The following TNIP1 variants were observed in gnomAD, a reference collection of about 807,000 sequenced individuals.
TNIP1 encodes the protein TNFAIP3-interacting protein 1.
In TNIP1, 22 loss-of-function variants were observed where a neutral mutation model predicts 86.6. The observed-to-expected ratio is 0.25, with a 90% CI of 0.18 to 0.36. The LOEUF is 0.36. Ranked by LOEUF, TNIP1 falls within the 10% of genes least tolerant of loss-of-function variation. TNIP1 has a pLI of 1.00. For missense variants in TNIP1, 709 were observed against 820.6 expected, an observed-to-expected ratio of 0.86 and a Z score of 1.66; for synonymous variants, 294 against 313.0, an observed-to-expected ratio of 0.94 and a Z score of 0.64.
upstream of TNIP1, among the ~76,000 whole-genome samples, chr5:151,086,032 G>C (rs35191122): frequency 0.027 from 4,185 of 152,222 alleles, 72 homozygotes; most frequent in South Asian, 0.069. Flanking sequence ...TTCTAGCCAG[G>C]GACTTCCCTA....
At position 151,039,144 on chromosome 5, in the gene TNIP1, T is replaced by G; in HGVS notation, c.1216A>C (p.Thr406Pro). ...TTTTCCTGGTACTCACGCTGTCGGG[T>G]GAGTGGGCTCAGCTGATCCTGCAGG... The part of the protein sequence containing the change: ...KYLQDQLSPL[T>P]RQREYQEKEI... The change falls in exon 12 of 18, where the codon ACC (threonine) becomes CCC (proline). Residue 406 changes from threonine to proline, a missense_variant. Transcript: ENST00000521591. 1 of 1,614,034 alleles carries G rather than the reference T, an allele frequency of 6.2e-7. No homozygotes were observed. Among genetic ancestry groups the G allele is most frequent in the Non-Finnish European group, 8.5e-7 (1 of 1,179,974 alleles).
chr5:151,035,196 A>G, intron 14 of TNIP1, 129 bp from the exon 15 acceptor site: 2 of 1,096,304 alleles, frequency 1.8e-6, no homozygotes, highest in Non-Finnish European at 2.7e-6. Flanking sequence ...TGCGTGGGCC[A>G]GCCCCGGGAA....
chr5:151,084,241 T>TC (rs1707836282), upstream of TNIP1, among the ~76,000 whole-genome samples: 1 of 152,056 alleles, frequency 6.6e-6, no homozygotes, highest in African/African-American at 2.4e-5. Context: ...GGTCAGGAGT[T>TC]CAAGACCAGC....
At chr5:151,081,040 G>C (rs1011537912), upstream of TNIP1, 1 of 152,056 alleles carries the variant, frequency 6.6e-6, no homozygotes, top group Admixed American at 6.5e-5. Context: ...GAAGTGCCGG[G>C]GGCCTGGCCG....
At chr5:151,064,848 G>T in intron 2 of TNIP1, 112 bp downstream of exon 2, 1 of 1,488,422 alleles carries the variant, frequency 6.7e-7, no homozygotes, top group Non-Finnish European at 9.2e-7. Context: ...AGGGACAGGG[G>T]ATGACTTGGG....
chr5:151,071,609 A>G (rs914059536), intron 1 of TNIP1, among the ~76,000 whole-genome samples: 3 of 152,056 alleles, frequency 2.0e-5, no homozygotes, highest in African/African-American at 4.8e-5. Flanking sequence ...CAGTCCTCCC[A>G]TAAGAGCTTT....
chr5:151,063,394 T>G lies in TNIP1; in HGVS notation c.271+219A>C, dbSNP rs565222621. Among the ~76,000 whole-genome samples the G allele has an allele frequency of 5.9e-5, 9 of 152,182 alleles. No individual in the cohort carries two copies. In the South Asian group the frequency reaches 1.9e-3, roughly 32 times the overall value. ...CTCATGTCTGCTGGGGCCTCAGGAG[T>G]GCTGAGTCACTGGCTATTTTTAACA... On this transcript the variant is annotated intron_variant, in intron 3 of 17. Transcript: ENST00000521591.
intron 11 of TNIP1, among the ~76,000 whole-genome samples, chr5:151,040,088 A>C: frequency 6.6e-6 from 1 of 152,340 alleles, no homozygotes; most frequent in South Asian, 2.1e-4. Flanking sequence ...CTCTCCTTCC[A>C]TGTCAAAGGA....
At chr5:151,066,664 C>T (rs1762268506) in intron 1 of TNIP1, among the ~76,000 whole-genome samples, 1 of 152,240 alleles carries the variant, frequency 6.6e-6, no homozygotes, top group South Asian at 2.1e-4. Context: ...GGAGGAGCTG[C>T]ACAGTAACTC....
rs374059963 is a variant in TNIP1 at position 151,033,817 on chromosome 5, G to A, written c.1588-18C>T. 1.2e-5 allele frequency: 16 copies of A among 1,372,226 alleles called. No homozygotes were observed. The highest frequency in any genetic ancestry group is 9.0e-5 in the African/African-American group (6 of 66,948). The allele number at this position is 1,372,226 out of a possible 1,614,324, so 85.0% of individuals were successfully genotyped here. A position where few individuals can be genotyped will look rare whatever the true frequency, so the allele number is the denominator to read the frequency against. ...CCTGAGGCCTGCAAGAAAGGCTGAC[G>A]TCTGGCTTTGGCCTGCAACAGGCTG... is the stretch of plus-strand genomic sequence containing the variant. On this transcript the variant is annotated intron_variant, in intron 15 of 17. Transcript: ENST00000521591.
intron 6 of TNIP1, 134 bp downstream of exon 6, chr5:151,056,632 A>C (rs547093079): frequency 1.7e-4 from 140 of 821,044 alleles, no homozygotes; most frequent in Middle Eastern, 1.5e-3. Context: ...CTGAACAAAA[A>C]GCCCGAAGTC....
intron 17 of TNIP1, among the ~76,000 whole-genome samples, 189 bp from the exon 18 acceptor site, chr5:151,030,936 T>C (rs773020674): frequency 2.6e-5 from 4 of 152,162 alleles, no homozygotes; most frequent in Non-Finnish European, 4.4e-5. Flanking sequence ...AGAAGGCAGG[T>C]TATTATCCCA....
chr5:151,043,609 T>C (rs1482850627), intron 9 of TNIP1, among the ~76,000 whole-genome samples: 2 of 151,940 alleles, frequency 1.3e-5, no homozygotes, highest in Non-Finnish European at 2.9e-5. Context: ...ACCCCATCTC[T>C]ACAAAAAATA....
intron 12 of TNIP1, among the ~76,000 whole-genome samples, chr5:151,038,826 G>A (rs1367645425): frequency 6.6e-6 from 1 of 152,146 alleles, no homozygotes; most frequent in African/African-American, 2.4e-5. Flanking sequence ...CTGAGCAAGT[G>A]AGGGTAAAAC....
At position 151,069,871 on chromosome 5, in the gene TNIP1, T is replaced by C. The variant is rs530297136; in HGVS notation, c.-36-4740A>G. Among the ~76,000 whole-genome samples, 5 of 152,276 alleles carry C rather than the reference T, an allele frequency of 3.3e-5. No individual in the cohort carries two copies. In the South Asian group the frequency reaches 1.0e-3, roughly 32 times the overall value. On this transcript the variant is annotated intron_variant, in intron 1 of 17. Transcript: ENST00000521591. ...AACCGGGTGATGGCTAAAGCTGGCC[T>C]CAGGATCAAGAAGACCCAAGTCTCA...
chr5:151,036,942 G>T, intron 12 of TNIP1, 21 bp from the exon 13 acceptor site: 1 of 1,577,362 alleles, frequency 6.3e-7, no homozygotes, highest in South Asian at 1.2e-5. Context: ...GAAAAGATGG[G>T]ACCATCAGCA....
rs1188416444 is a variant in TNIP1 at position 151,063,656 on chromosome 5, A to T, written c.228T>A (p.Pro76=). The T allele has an allele frequency of 1.2e-6, 2 of 1,614,058 alleles. No individual in the cohort carries two copies. Among genetic ancestry groups the T allele is most frequent in the Non-Finnish European group, 1.7e-6 (2 of 1,180,000 alleles). Reference sequence around the variant, plus strand: ...GGTCGAAGGAGCCCAAGGAGGGAGAAGGTGGTGGGAGCAGCTCGTTGTCCT... The same window carrying T: ...GGTCGAAGGAGCCCAAGGAGGGAGATGGTGGTGGGAGCAGCTCGTTGTCCT... ...LVKDNELLPP[P]SPSLGSFDPL... is the part of the protein sequence containing the mutation. Residue 76 remains proline, a synonymous_variant, in exon 3 of 18, where the codon CCT becomes CCA. Transcript: ENST00000521591.
In TNIP1 at chr5:151,033,786, C is replaced by G. The variant is rs753833491; in HGVS notation, c.1601G>C (p.Arg534Pro). ...TTCTGGGTGGGGCTCCACATGGTAA[C>G]GCTCTCCTGAGGCCTGCAAGAAAGG... is the stretch of plus-strand genomic sequence containing the variant. ...QKRKAKASGE[R>P]YHVEPHPEHL... is the part of the protein sequence containing the mutation. Residue 534 changes from arginine to proline, a missense_variant, in exon 16 of 18, where the codon CGT becomes CCT. Physicochemically the swap from Arg to Pro is moderately radical, Grantham distance 103. Coordinates refer to ENST00000521591, the MANE Select transcript of TNIP1 (RefSeq NM_006058.5). 1.5e-6 allele frequency: 2 copies of G among 1,370,058 alleles called. No homozygotes were observed. The highest frequency in any genetic ancestry group is 4.5e-5 in the South Asian group (2 of 44,700). 84.9% of individuals were successfully genotyped at this position (1,370,058 alleles called of 1,614,324 possible). A position where few individuals can be genotyped will look rare whatever the true frequency, so the allele number is the denominator to read the frequency against.
intron 6 of TNIP1, among the ~76,000 whole-genome samples, chr5:151,055,195 C>T (rs1561847580): frequency 6.6e-6 from 1 of 151,908 alleles, no homozygotes; most frequent in Non-Finnish European, 1.5e-5. Flanking sequence ...GGTGCCTGCC[C>T]CCCTCAAGCT....
Sources: allele counts gnomAD v4.1 joint callset (sites outside exome capture counted in the v4.1 genomes callset), GRCh38; gene constraint gnomAD v4.1.1; transcripts MANE v1.5; gene names NCBI Gene and HGNC (gene_info 2026-07-23, HGNC 2026-07-21).